Variants in DDAH1 observed in about 807,000 individuals in gnomAD.
DDAH1 encodes dimethylarginine dimethylaminohydrolase 1.
DDAH1 carries 19 observed loss-of-function variants against 28.8 expected under a neutral mutation model. That is an observed-to-expected ratio of 0.66 (90% CI 0.46 to 0.97). The LOEUF (loss-of-function observed/expected upper bound fraction) is 0.97. Among genes scored for constraint, DDAH1 ranks in the 50% least tolerant of loss-of-function variants. The pLI is 0.00. For missense variants in DDAH1, 326 were observed against 375.9 expected (o/e 0.87, Z 1.10); for synonymous variants, 153 against 154.4 (o/e 0.99, Z 0.07).
intron 1 of DDAH1, among the ~76,000 whole-genome samples, chr1:85,513,806 C>A (rs542692800): frequency 1.3e-5 from 2 of 152,320 alleles, no homozygotes; most frequent in African/African-American, 4.8e-5. Context: ...CAATAAGATA[C>A]CATCTCATGC....
chr1:85,566,506 A>AG (rs1379844214), intron 1 of DDAH1, among the ~76,000 whole-genome samples: 3 of 151,300 alleles, frequency 2.0e-5, no homozygotes, highest in Non-Finnish European at 4.4e-5. Context: ...AAAAAAAAAA[A>AG]GAAAAGAAAG....
chr1:85,336,740 A>G (rs1443174479), intron 4 of DDAH1, among the ~76,000 whole-genome samples: 1 of 152,144 alleles, frequency 6.6e-6, no homozygotes, highest in African/African-American at 2.4e-5. Context: ...AATGAAACTA[A>G]AAGTTTTTTT....
intron 1 of DDAH1, among the ~76,000 whole-genome samples, chr1:85,523,580 GC>G (rs1657763081): frequency 6.6e-6 from 1 of 152,032 alleles, no homozygotes; most frequent in Non-Finnish European, 1.5e-5. Context: ...TTCAGCAAGA[GC>G]CTGGCCTGGA....
At chr1:85,335,839 G>C (rs1342230382) in intron 4 of DDAH1, among the ~76,000 whole-genome samples, 1 of 152,082 alleles carries the variant, frequency 6.6e-6, no homozygotes, top group Non-Finnish European at 1.5e-5. Flanking sequence ...GTGCATGCTT[G>C]TAGTTTCAGC....
chr1:85,438,558 G>A (rs975406310), intron 1 of DDAH1, among the ~76,000 whole-genome samples: 8 of 152,182 alleles, frequency 5.3e-5, no homozygotes, highest in Admixed American at 3.9e-4. Flanking sequence ...TGACCCCTGT[G>A]CTGTTCAAGG....
chr1:85,481,098 G>GGTTTTTT (rs1442100920), intron 2 of DDAH1, among the ~76,000 whole-genome samples: 3 of 113,460 alleles, frequency 2.6e-5, no homozygotes, highest in Non-Finnish European at 5.5e-5. Flanking sequence ...TGGGTTTTTT[G>GGTTTTTT]TTTTTTTTTT....
At chr1:85,487,069 A>G (rs1027183748) in intron 2 of DDAH1, among the ~76,000 whole-genome samples, 2 of 152,222 alleles carry the variant, frequency 1.3e-5, no homozygotes, top group Admixed American at 1.3e-4. Context: ...AATTCGCCAA[A>G]GTAGGTTGTG....
chr1:85,349,381 C>T (rs997339942), intron 4 of DDAH1, among the ~76,000 whole-genome samples: 13 of 152,138 alleles, frequency 8.5e-5, no homozygotes, highest in Non-Finnish European at 1.6e-4. Flanking sequence ...CCAGCCAAAC[C>T]ACCACACTTG....
At chr1:85,474,579 C>G (rs996327635) in intron 2 of DDAH1, among the ~76,000 whole-genome samples, 1 of 152,128 alleles carries the variant, frequency 6.6e-6, no homozygotes, top group Non-Finnish European at 1.5e-5. Context: ...CCCTGGGTCC[C>G]CAGGTGGGAT....
intron 1 of DDAH1, among the ~76,000 whole-genome samples, chr1:85,420,104 GGAGCA>G (rs933454118): frequency 6.6e-6 from 1 of 152,070 alleles, no homozygotes; most frequent in Non-Finnish European, 1.5e-5. Context: ...TGGGATGCAG[GGAGCA>G]GTGTCCCGAG....
chr1:85,340,882 T>A (rs1449132226), intron 4 of DDAH1, among the ~76,000 whole-genome samples: 1 of 152,160 alleles, frequency 6.6e-6, no homozygotes, highest in African/African-American at 2.4e-5. Context: ...TTTCCCTGCA[T>A]CCAGCCCCCA....
intron 1 of DDAH1, among the ~76,000 whole-genome samples, chr1:85,455,867 G>T (rs1654859482): frequency 6.6e-6 from 1 of 152,180 alleles, no homozygotes; most frequent in African/African-American, 2.4e-5. Context: ...AAATTCAACT[G>T]CATCTCATAA....
chr1:85,539,801 G>A (rs1469266751), intron 1 of DDAH1, among the ~76,000 whole-genome samples: 1 of 152,076 alleles, frequency 6.6e-6, no homozygotes, highest in Non-Finnish European at 1.5e-5. Flanking sequence ...GACCCAGTTT[G>A]ATTTGCCTTT....
At chr1:85,506,591 C>A (rs1018568826) in intron 1 of DDAH1, among the ~76,000 whole-genome samples, 9 of 152,194 alleles carry the variant, frequency 5.9e-5, no homozygotes, top group African/African-American at 2.2e-4. Context: ...CTTTTATTCC[C>A]AGCCCTCTAT....
intron 1 of DDAH1, among the ~76,000 whole-genome samples, chr1:85,554,774 G>C (rs1395518451): frequency 6.6e-6 from 1 of 152,174 alleles, no homozygotes; most frequent in Non-Finnish European, 1.5e-5. Flanking sequence ...CTCAACAAGG[G>C]CTGTGATTAG....
At chr1:85,442,953 A>C (rs1654268619) in intron 1 of DDAH1, among the ~76,000 whole-genome samples, 1 of 152,124 alleles carries the variant, frequency 6.6e-6, no homozygotes, top group Non-Finnish European at 1.5e-5. Flanking sequence ...TAGATTGCAA[A>C]AATTTTCTCC....
chr1:85,365,728 C>T (rs1003327422), intron 1 of DDAH1, among the ~76,000 whole-genome samples: 1 of 152,068 alleles, frequency 6.6e-6, no homozygotes, highest in Admixed American at 6.6e-5. Context: ...AAAATGGTGC[C>T]CATGATTGCT....
chr1:85,369,394 C>T (rs932435969), intron 1 of DDAH1, among the ~76,000 whole-genome samples: 7 of 152,056 alleles, frequency 4.6e-5, no homozygotes, highest in South Asian at 4.1e-4. Flanking sequence ...AACAAGTATA[C>T]GGCAAAAATA....
At chr1:85,409,779 T>C (rs568634037) in intron 1 of DDAH1, among the ~76,000 whole-genome samples, 1 of 152,294 alleles carries the variant, frequency 6.6e-6, no homozygotes, top group African/African-American at 2.4e-5. Flanking sequence ...ACTTTATTTA[T>C]AAGAAATTGT....
Sources: allele counts gnomAD v4.1 joint callset (sites outside exome capture counted in the v4.1 genomes callset), GRCh38; gene constraint gnomAD v4.1.1; transcripts MANE v1.5; gene names NCBI Gene and HGNC (gene_info 2026-07-23, HGNC 2026-07-21).